The following ARAP1 variants were observed in gnomAD, a reference collection of about 807,000 sequenced individuals.
ARAP1 encodes ArfGAP with RhoGAP domain, ankyrin repeat and PH domain 1.
In ARAP1, 76 loss-of-function variants were observed where a neutral mutation model predicts 172.2. That is an observed-to-expected ratio of 0.44 (90% confidence interval 0.37 to 0.53). The LOEUF (loss-of-function observed/expected upper bound fraction) is 0.53, where lower values mean the gene tolerates loss of function less well. Ranked by LOEUF, ARAP1 falls within the 20% of genes least tolerant of loss-of-function variation. The pLI is 0.00. For missense variants in ARAP1, 1,686 were observed against 1,977.5 expected, an observed-to-expected ratio of 0.85 and a Z score of 2.80; for synonymous variants, 804 against 803.3, an observed-to-expected ratio of 1.00 and a Z score of -0.01.
chr11:72,750,617 A>G (rs1230670938), intron 1 of ARAP1, among the ~76,000 whole-genome samples: 1 of 152,150 alleles, frequency 6.6e-6, no homozygotes, highest in Non-Finnish European at 1.5e-5. Flanking sequence ...AGGCCTGACT[A>G]TTGCCCCAGC....
At chr11:72,689,997 C>CT (rs1855871169) in intron 30 of ARAP1, among the ~76,000 whole-genome samples, 1 of 152,062 alleles carries the variant, frequency 6.6e-6, no homozygotes, top group South Asian at 2.1e-4. Flanking sequence ...AATGGAAAGA[C>CT]TGAGACAGAG....
rs957259858 is a variant in ARAP1, at chr11:72,691,737, G to T, written c.3987+1016C>A. Among the ~76,000 whole-genome samples the T allele has an allele frequency of 3.3e-5, 5 of 152,138 alleles. No homozygotes were observed. In the East Asian group the frequency reaches 9.6e-4, roughly 29 times the overall value. On this transcript the variant is annotated intron_variant, in intron 30 of 34. Coordinates refer to ENST00000393609, the MANE Select transcript of ARAP1 (RefSeq NM_001040118.3). Reference sequence around the variant, plus strand: ...GGTGGTGGGTAGCTGTGGGAGCTCAGGCTAGACCACCAGGCTTGGAACCAT... The same window carrying T: ...GGTGGTGGGTAGCTGTGGGAGCTCATGCTAGACCACCAGGCTTGGAACCAT...
At chr11:72,714,085 C>T (rs1857166649) in intron 4 of ARAP1, 67 bp downstream of exon 4, 10 of 1,378,564 alleles carry the variant, frequency 7.3e-6, no homozygotes, top group Middle Eastern at 5.3e-4. Context: ...GCATACCTTC[C>T]AGAGGCCTGA....
chr11:72,695,163 T>C lies in ARAP1; in HGVS notation c.3577-66A>G. On this transcript the variant is annotated intron_variant, in intron 26 of 34. Coordinates refer to ENST00000393609, the MANE Select transcript of ARAP1 (RefSeq NM_001040118.3). This position sits in a 1 kb window ranked among gnomAD's most constrained non-coding sequence, Gnocchi z 4.4. ...CCCCTGCTCTGCCACAACCTTGCTA[T>C]GTGACTCAGAGCCTGAGCCCATCCT... 1 of 1,540,824 alleles carries C rather than the reference T, an allele frequency of 6.5e-7. No homozygotes were observed. The highest frequency in any genetic ancestry group is 8.9e-7 in the Non-Finnish European group (1 of 1,120,034).
chr11:72,695,175 C>A lies in ARAP1; in HGVS notation c.3577-78G>T. 1 of 1,491,818 alleles carries A rather than the reference C, an allele frequency of 6.7e-7. No homozygotes were observed. Among genetic ancestry groups the A allele is most frequent in the Admixed American group, 1.7e-5 (1 of 58,788 alleles). The allele number at this position is 1,491,818 out of a possible 1,614,324, so 92.4% of individuals were successfully genotyped here. ...CACAACCTTGCTATGTGACTCAGAGCCTGAGCCCATCCTTCTCAGGCCCTT... is the reference window on the plus strand; with the variant it reads ...CACAACCTTGCTATGTGACTCAGAGACTGAGCCCATCCTTCTCAGGCCCTT... On this transcript the variant is annotated intron_variant, in intron 26 of 34. Coordinates refer to ENST00000393609, the MANE Select transcript of ARAP1 (RefSeq NM_001040118.3). This position sits in a 1 kb window ranked among gnomAD's most constrained non-coding sequence, Gnocchi z 4.4.
chr11:72,728,448 G>A (rs1369494342), intron 2 of ARAP1, among the ~76,000 whole-genome samples: 1 of 152,054 alleles, frequency 6.6e-6, no homozygotes, highest in Non-Finnish European at 1.5e-5. Flanking sequence ...AGGCATGGTG[G>A]CATGCGCCTG....
Position 72,697,034 on chromosome 11 carries a change from G to T in ARAP1, c.3115C>A (p.Pro1039Thr). Reference protein sequence around the residue: ...SALKRFLRDLPDGLFTRAQRL... With the variant: ...SALKRFLRDLTDGLFTRAQRL... Reference sequence around the variant, plus strand: ...TGGGCGCGAGTGAAGAGCCCATCAGGCAGGTCGCGCAGGAAGCGCTTGAGC... The same window carrying T: ...TGGGCGCGAGTGAAGAGCCCATCAGTCAGGTCGCGCAGGAAGCGCTTGAGC... Residue 1039 changes from proline (P) to threonine (T), a missense_variant, in exon 22 of 35, where the codon CCT becomes ACT. Physicochemically the swap from Pro to Thr is conservative, Grantham distance 38 (BLOSUM62 -1). This residue lies in a region of ARAP1 where 274 missense variants were observed against 262.7 expected (regional missense o/e 1.04). Transcript: ENST00000393609. The T allele has an allele frequency of 6.2e-7, 1 of 1,609,748 alleles. No individual in the cohort carries two copies.
rs12275279 is a variant in ARAP1, at chr11:72,726,251, C to A, written c.509+369G>T. 0.14 allele frequency among the ~76,000 whole-genome samples: 21,329 copies of A among 151,930 alleles called. 1,731 individuals are homozygous for A. Among genetic ancestry groups the A allele is most frequent in the African/African-American group, 0.2 (8,440 of 41,384 alleles). On this transcript the variant is annotated intron_variant, in intron 3 of 34. Transcript: ENST00000393609. This position sits in a 1 kb window ranked among gnomAD's most constrained non-coding sequence, Gnocchi z 6.5. ...TGTTGCCTCTTGATGCCGGCATGGA[C>A]CCCGATACCCTGCAGTATCTCACAG... is the stretch of plus-strand genomic sequence containing the variant.
rs111359114 is a variant in ARAP1, at chr11:72,710,136, G to A, written c.1417-160C>T. Among the ~76,000 whole-genome samples, 7 of 151,850 alleles carry A rather than the reference G, an allele frequency of 4.6e-5. No homozygotes were observed. The highest frequency in any genetic ancestry group is 1.7e-4 in the African/African-American group (7 of 41,304). On this transcript the variant is annotated intron_variant, in intron 10 of 34. Coordinates refer to ENST00000393609, the MANE Select transcript of ARAP1 (RefSeq NM_001040118.3). This position sits in a 1 kb window ranked among gnomAD's most constrained non-coding sequence, Gnocchi z 4.3. ...GGGAGGCTGGGCAGGGTAAGGGGCT[G>A]CAGGTTCAGGGCCCACACAGCAATG...
intron 1 of ARAP1, among the ~76,000 whole-genome samples, chr11:72,748,218 T>G (rs1424199171): frequency 6.6e-6 from 1 of 152,198 alleles, no homozygotes. Context: ...CTATTATTAC[T>G]ACTATTAAAT....
At chr11:72,748,948 A>T (rs1858453555) in intron 1 of ARAP1, among the ~76,000 whole-genome samples, 1 of 152,176 alleles carries the variant, frequency 6.6e-6, no homozygotes, top group African/African-American at 2.4e-5. Flanking sequence ...CCAAATCCTC[A>T]TGCTGTTCAG....
Position 72,716,726 on chromosome 11 carries a change from C to T in ARAP1, c.510-2405G>A, listed in dbSNP as rs75818294. Among the ~76,000 whole-genome samples the T allele has an allele frequency of 1.1e-4, 16 of 152,364 alleles. No homozygotes were observed. The East Asian group carries it at 3.1e-3, about 29-fold the overall frequency. ...CCACTGTGAGACCCAGTCCTTCACT[C>T]CTGAGCTGTCACTTGGAGGGCCACA... On this transcript the variant is annotated intron_variant, in intron 3 of 34. Transcript: ENST00000393609.
In ARAP1 at chr11:72,723,050, G is replaced by A. The variant is rs1231560160; in HGVS notation, c.509+3570C>T. Among the ~76,000 whole-genome samples, 6 of 152,278 alleles carry A rather than the reference G, an allele frequency of 3.9e-5. No homozygotes were observed. In the East Asian group the frequency reaches 7.7e-4, roughly 20 times the overall value. On this transcript the variant is annotated intron_variant, in intron 3 of 34. Transcript: ENST00000393609. ...GTGCCGAGTGCAGTGGCTCACACCT[G>A]TAATCCCAGTGCTTTGGGAGGTCGA...
chr11:72,745,080 G>A (rs1296083377), intron 1 of ARAP1, among the ~76,000 whole-genome samples: 1 of 152,160 alleles, frequency 6.6e-6, no homozygotes, highest in Non-Finnish European at 1.5e-5. Flanking sequence ...TCTGCTCCTG[G>A]AGTGGAAAGG....
At chr11:72,748,276 C>T (rs1858430506) in intron 1 of ARAP1, among the ~76,000 whole-genome samples, 1 of 152,120 alleles carries the variant, frequency 6.6e-6, no homozygotes, top group Admixed American at 6.5e-5. Context: ...AATCCCAGCA[C>T]TTTGGGAGGC....
In ARAP1 at chr11:72,699,893, G is replaced by A. The variant is rs994556697; in HGVS notation, c.2303-341C>T. The A allele has an allele frequency of 1.5e-5, 5 of 333,826 alleles. No individual in the cohort carries two copies. Among genetic ancestry groups the A allele is most frequent in the African/African-American group, 2.1e-5 (1 of 46,952 alleles). 20.7% of individuals were successfully genotyped at this position (333,826 alleles called of 1,614,324 possible). ...GGCCCTGCCAGGTCTACCCCTGCCC[G>A]TCTCTCCAGCTGCCTCTCTGTCACT... is the stretch of plus-strand genomic sequence containing the variant. On this transcript the variant is annotated intron_variant, in intron 16 of 34. Coordinates refer to ENST00000393609, the MANE Select transcript of ARAP1 (RefSeq NM_001040118.3). The surrounding 1 kb of genome is among the most constrained non-coding windows in gnomAD (Gnocchi z 4.2).
rs903626906 is a variant in ARAP1, at chr11:72,695,357, G to A, written c.3576+30C>T. The A allele has an allele frequency of 3.7e-6, 6 of 1,613,744 alleles. No homozygotes were observed. The highest frequency in any genetic ancestry group is 1.7e-4 in the Middle Eastern group (1 of 6,050). ...GTACCTGGCCCAGCCTGATTCTCTA[G>A]CCCCTTGGCTTCTAGGTCCCAGCAC... On this transcript the variant is annotated intron_variant, in intron 26 of 34. Transcript: ENST00000393609. The surrounding 1 kb of genome is among the most constrained non-coding windows in gnomAD (Gnocchi z 4.4).
chr11:72,711,235 A>T, intron 8 of ARAP1, 94 bp from the exon 9 acceptor site: 1 of 1,555,182 alleles, frequency 6.4e-7, no homozygotes, highest in Non-Finnish European at 8.7e-7. Context: ...TGTCTCCTGC[A>T]GCTGGTTAGA....
At chr11:72,697,251 G>A (rs1213631948) in intron 21 of ARAP1, 56 bp from the exon 22 acceptor site, 5 of 1,588,888 alleles carry the variant, frequency 3.1e-6, no homozygotes, top group African/African-American at 1.3e-5. Flanking sequence ...CATGGGGCGG[G>A]GCCGCGCAGC....
Sources: gnomAD v4.1 joint callset for allele counts (sites outside exome capture counted in the v4.1 genomes callset) on GRCh38, gnomAD v4.1.1 for gene constraint, gnomAD v4.1.1 regional missense constraint, Gnocchi (gnomAD v3.1) non-coding constraint, MANE v1.5 for transcripts, NCBI Gene and HGNC (gene_info 2026-07-23, HGNC 2026-07-21) for gene names.